Variants in RCAN3 observed in about 807,000 individuals in gnomAD.
RCAN3 encodes the protein regulator of calcineurin 3, also known as calcipressin-3.
Under a neutral mutation model 21.9 loss-of-function variants are expected in RCAN3, and 19 were observed. That is an observed-to-expected ratio of 0.87 (90% CI 0.61 to 1.27). RCAN3 has a LOEUF of 1.27. Ranked by LOEUF, RCAN3 falls within the 50% of genes most tolerant of loss-of-function variation. The probability of loss-of-function intolerance (pLI) is 0.00; values close to 1 mark genes in which losing one functional copy is unlikely to be tolerated. For missense variants in RCAN3, 240 were observed against 300.1 expected (o/e 0.80, Z 1.48); for synonymous variants, 114 against 112.3 (o/e 1.01, Z -0.09).
intron 4 of RCAN3, among the ~76,000 whole-genome samples, chr1:24,534,116 C>A (rs754472087): frequency 6.6e-6 from 1 of 152,138 alleles, no homozygotes; most frequent in Admixed American, 6.5e-5. Flanking sequence ...GATGCTGGTT[C>A]AGACAGTTGT....
intron 2 of RCAN3, among the ~76,000 whole-genome samples, chr1:24,516,044 G>A (rs1648290585): frequency 6.6e-6 from 1 of 152,160 alleles, no homozygotes; most frequent in Non-Finnish European, 1.5e-5. Context: ...TCAGGAGGCT[G>A]AGACAGGAGA....
chr1:24,533,223 T>C lies in RCAN3; in HGVS notation c.510T>C (p.Asp170=), dbSNP rs756718630. The C allele has an allele frequency of 4.4e-6, 7 of 1,594,746 alleles. 1 individual carries two copies. The South Asian group carries it at 5.7e-5, about 13-fold the overall frequency. ...ATGCGATGCCTGTTATAAATTATGA[T>C]TTACTCTGTGCTGTTTCCAAATTGG... ...SEDAMPVINY[D]LLCAVSKLGP... Residue 170 remains aspartate (D), a synonymous_variant, in exon 4 of 5, where the codon GAT becomes GAC. Transcript: ENST00000374395.
rs996439776 is a variant in RCAN3, at chr1:24,512,990, C to T, written c.-59-1324C>T. Reference sequence around the variant, plus strand: ...CGGTGGCTCACACCTGTAATCCCAGCGCTTTAGGAGGCCGAGTTGGGCGGA... The same window carrying T: ...CGGTGGCTCACACCTGTAATCCCAGTGCTTTAGGAGGCCGAGTTGGGCGGA... On this transcript the variant is annotated intron_variant, in intron 1 of 4. Coordinates refer to ENST00000374395, the MANE Select transcript of RCAN3 (RefSeq NM_013441.4). Among the ~76,000 whole-genome samples, 10 of 152,172 alleles carry T rather than the reference C, an allele frequency of 6.6e-5. No individual in the cohort carries two copies. In the East Asian group the frequency reaches 7.7e-4, roughly 12 times the overall value.
rs1016305262 is a variant in RCAN3, at chr1:24,536,566, C to G, written c.*1289C>G. 3 of 152,168 alleles carry G rather than the reference C, an allele frequency of 2.0e-5. No homozygotes were observed. Among genetic ancestry groups the G allele is most frequent in the African/African-American group, 7.2e-5 (3 of 41,414 alleles). The allele number at this position is 152,168 out of a possible 1,614,324, so 9.4% of individuals were successfully genotyped here. On this transcript the variant is annotated 3_prime_UTR_variant, in exon 5 of 5. Coordinates refer to ENST00000374395, the MANE Select transcript of RCAN3 (RefSeq NM_013441.4). ...TAACTGAGAAGGCTCTGTTTTGGGC[C>G]GGGTGGGTCTGCTGGCCTCCACTCA...
At chr1:24,516,464 G>C (rs375095114) in intron 2 of RCAN3, among the ~76,000 whole-genome samples, 1 of 152,018 alleles carries the variant, frequency 6.6e-6, no homozygotes, top group Non-Finnish European at 1.5e-5. Context: ...TTTTGGCCAC[G>C]GGGAACAGAA....
chr1:24,524,828 G>GTT (rs5773091), intron 2 of RCAN3, among the ~76,000 whole-genome samples: 2,225 of 127,122 alleles, frequency 0.018, 89 homozygotes, highest in African/African-American at 0.042. Flanking sequence ...GTTTTCTTTT[G>GTT]TTTTTTTTTT....
intron 1 of RCAN3, among the ~76,000 whole-genome samples, chr1:24,510,697 G>A (rs770349150): frequency 2.6e-4 from 40 of 152,164 alleles, no homozygotes; most frequent in Non-Finnish European, 8.8e-5. Flanking sequence ...TAGCATTTGT[G>A]TGTTCACTGG....
rs2148918591 is a variant in RCAN3 at position 24,539,280 on chromosome 1, G to A, written c.*4003G>A. On this transcript the variant is annotated 3_prime_UTR_variant, in exon 5 of 5. Transcript: ENST00000374395. ...GTGGGAGGATTCTTTTTTCCCTGATGGGAAACAGTGAATAAGAAAAATCTC... is the reference window on the plus strand; with the variant it reads ...GTGGGAGGATTCTTTTTTCCCTGATAGGAAACAGTGAATAAGAAAAATCTC... The A allele has an allele frequency of 1.3e-5, 2 of 151,070 alleles. No individual in the cohort carries two copies. The highest frequency in any genetic ancestry group is 4.9e-5 in the African/African-American group (2 of 41,214). 9.4% of individuals were successfully genotyped at this position (151,070 alleles called of 1,614,324 possible).
chr1:24,514,486 GA>G lies in RCAN3; in HGVS notation c.115del (p.Met39Ter). 3 of 1,614,156 alleles carry G rather than the reference GA, an allele frequency of 1.9e-6. No homozygotes were observed. Among genetic ancestry groups the G allele is most frequent in the Non-Finnish European group, 2.5e-6 (3 of 1,180,016 alleles). On this transcript the variant is annotated frameshift_variant, in exon 2 of 5. Transcript: ENST00000374395. LOFTEE classifies it high-confidence loss of function. The part of the protein sequence containing the change: ...FGENEDDLDE[M>X]MDLSDLPTSL... ...GTGAAAATGAAGATGATTTGGATGA[GA>G]TGATGGATTTAAGTGATCTGCCTAC...
chr1:24,540,463 A>G lies in RCAN3; in HGVS notation c.*5186A>G, dbSNP rs574735161. On this transcript the variant is annotated 3_prime_UTR_variant, in exon 5 of 5. Transcript: ENST00000374395. ...ATGGAAGATTTCTATCTATGCAGATAATACATGTTTTTAAATACTGTTTTC... is the reference window on the plus strand; with the variant it reads ...ATGGAAGATTTCTATCTATGCAGATGATACATGTTTTTAAATACTGTTTTC... 1 of 152,220 alleles carries G rather than the reference A, an allele frequency of 6.6e-6. No individual in the cohort carries two copies. The highest frequency in any genetic ancestry group is 1.5e-5 in the Non-Finnish European group (1 of 68,040). 9.4% of individuals were successfully genotyped at this position (152,220 alleles called of 1,614,324 possible).
chr1:24,526,603 G>C (rs754595971), intron 2 of RCAN3, among the ~76,000 whole-genome samples: 11 of 152,134 alleles, frequency 7.2e-5, no homozygotes, highest in Non-Finnish European at 1.6e-4. Context: ...GTTGTGGGGG[G>C]CTAGGGATAA....
chr1:24,529,567 T>TC (rs1396301308), intron 2 of RCAN3, among the ~76,000 whole-genome samples: 6 of 140,162 alleles, frequency 4.3e-5, no homozygotes, highest in Non-Finnish European at 9.4e-5. Context: ...TTTTTTTTTT[T>TC]TAGGACAGAG....
intron 4 of RCAN3, among the ~76,000 whole-genome samples, chr1:24,534,379 G>A (rs1650043334): frequency 6.6e-6 from 1 of 152,164 alleles, no homozygotes; most frequent in Non-Finnish European, 1.5e-5. Flanking sequence ...AAAACAGGCA[G>A]ATCACCTGGG....
rs1647204450 is a variant in RCAN3, at chr1:24,502,971, C to G, written c.-239C>G. On this transcript the variant is annotated 5_prime_UTR_variant, in exon 1 of 5. Transcript: ENST00000374395. Reference sequence around the variant, plus strand: ...GCGAGGCTGCTGCTGCAGGCGGCTCCCGGCTCTGCCTTCGGCCCCGCCCGC... The same window carrying G: ...GCGAGGCTGCTGCTGCAGGCGGCTCGCGGCTCTGCCTTCGGCCCCGCCCGC... 2 of 149,782 alleles carry G rather than the reference C, an allele frequency of 1.3e-5. No individual in the cohort carries two copies. The highest frequency in any genetic ancestry group is 4.1e-4 in the South Asian group (2 of 4,824). 9.3% of individuals were successfully genotyped at this position (149,782 alleles called of 1,614,324 possible).
intron 1 of RCAN3, among the ~76,000 whole-genome samples, chr1:24,511,038 G>A (rs1012436469): frequency 6.6e-6 from 1 of 152,176 alleles, no homozygotes; most frequent in African/African-American, 2.4e-5. Context: ...CCATGGCCGG[G>A]CGTGGTGGCT....
intron 1 of RCAN3, among the ~76,000 whole-genome samples, chr1:24,510,862 C>A (rs1002528463): frequency 1.3e-5 from 2 of 152,158 alleles, no homozygotes; most frequent in African/African-American, 4.8e-5. Context: ...ACTCAGGATG[C>A]TTCCTTTCAC....
At chr1:24,515,427 GGTGTGTGTGTGTGTGTGTGTGTGTGT>G (rs67348372) in intron 2 of RCAN3, among the ~76,000 whole-genome samples, 2 of 146,380 alleles carry the variant, frequency 1.4e-5, no homozygotes, top group Non-Finnish European at 3.0e-5. Context: ...TAGAAAGAGA[GGTGTGTGTGTGTGTGTGTGTGTGTGT>G]GTGTGTGTGT....
In RCAN3 at chr1:24,514,301, T is replaced by A; in HGVS notation, c.-59-13T>A. 2 of 1,354,850 alleles carry A rather than the reference T, an allele frequency of 1.5e-6. No homozygotes were observed. The highest frequency in any genetic ancestry group is 2.0e-6 in the Non-Finnish European group (2 of 1,014,802). The allele number at this position is 1,354,850 out of a possible 1,614,324, so 83.9% of individuals were successfully genotyped here. On this transcript the variant is annotated splice_polypyrimidine_tract_variant and intron_variant, in intron 1 of 4. Coordinates refer to ENST00000374395, the MANE Select transcript of RCAN3 (RefSeq NM_013441.4). Reference sequence around the variant, plus strand: ...TCGGAGTTTTACCTCTGCATTTTCTTTTTTTTTAACAGTGGGTGCCTGATA... The same window carrying A: ...TCGGAGTTTTACCTCTGCATTTTCTATTTTTTTAACAGTGGGTGCCTGATA...
In RCAN3 at chr1:24,532,996, A is replaced by G. The variant is rs563678371; in HGVS notation, c.370-87A>G. 28 of 912,654 alleles carry G rather than the reference A, an allele frequency of 3.1e-5. No homozygotes were observed. In the South Asian group the frequency reaches 4.2e-4, roughly 14 times the overall value. The allele number at this position is 912,654 out of a possible 1,614,324, so 56.5% of individuals were successfully genotyped here. ...AAAAAGAAATGTTTAATTTTCTACA[A>G]AAAGATGGAACAGTCAACATAAAGG... On this transcript the variant is annotated intron_variant, in intron 3 of 4. Transcript: ENST00000374395.
Sources: allele counts gnomAD v4.1 joint callset (sites outside exome capture counted in the v4.1 genomes callset), GRCh38; gene constraint gnomAD v4.1.1; transcripts MANE v1.5; gene names NCBI Gene and HGNC (gene_info 2026-07-23, HGNC 2026-07-21).